Variants in PCBP2 observed in about 807,000 individuals in gnomAD.
The protein encoded by PCBP2 is poly(rC)-binding protein 2.
Under a neutral mutation model 50.1 loss-of-function variants are expected in PCBP2, and 4 were observed. That is an observed-to-expected ratio of 0.08 (90% confidence interval 0.04 to 0.18). The LOEUF (loss-of-function observed/expected upper bound fraction) is 0.18, where lower values mean the gene tolerates loss of function less well. Among genes scored for constraint, PCBP2 ranks in the 10% least tolerant of loss-of-function variants. PCBP2 has a pLI of 1.00. For synonymous variants in PCBP2, 179 were observed against 168.0 expected (o/e 1.07, Z -0.51); for missense variants, 161 against 474.3 (o/e 0.34, Z 6.14).
chr12:53,453,882 A>G (rs1258609911), intron 1 of PCBP2, among the ~76,000 whole-genome samples: 1 of 152,254 alleles, frequency 6.6e-6, no homozygotes, highest in Non-Finnish European at 1.5e-5. Context: ...TGTATAGGAA[A>G]GGTGCATTTG....
intron 5 of PCBP2, among the ~76,000 whole-genome samples, chr12:53,458,643 ATT>A (rs3049328): frequency 1.1e-4 from 13 of 123,284 alleles, no homozygotes; most frequent in Admixed American, 2.4e-4. Flanking sequence ...ATTTGACTTA[ATT>A]TTTTTTTTTT....
intron 8 of PCBP2, among the ~76,000 whole-genome samples, chr12:53,464,188 C>A (rs1343461674): frequency 1.3e-5 from 2 of 152,134 alleles, no homozygotes; most frequent in African/African-American, 4.8e-5. Context: ...TCCCACTCCC[C>A]CTTTGGAATA....
Position 53,467,853 on chromosome 12 carries a change from A to G in PCBP2, c.826+10A>G, listed in dbSNP as rs74542898. ...GTGAAAGGCTATTGGGGTAATGATTAAAAAAAAAAAAATCTGTAGTATTCT... is the reference window on the plus strand; with the variant it reads ...GTGAAAGGCTATTGGGGTAATGATTGAAAAAAAAAAAATCTGTAGTATTCT... On this transcript the variant is annotated intron_variant, in intron 12 of 14. Transcript: ENST00000546463. 2 of 380,422 alleles carry G rather than the reference A, an allele frequency of 5.3e-6. No homozygotes were observed. The highest frequency in any genetic ancestry group is 1.1e-4 in the Admixed American group (2 of 17,620). 23.6% of individuals were successfully genotyped at this position (380,422 alleles called of 1,614,324 possible). A position where few individuals can be genotyped will look rare whatever the true frequency, so the allele number is the denominator to read the frequency against.
intron 1 of PCBP2, chr12:53,452,939 G>T (rs1218683613): frequency 1.3e-5 from 2 of 152,078 alleles, no homozygotes; most frequent in African/African-American, 4.8e-5. Flanking sequence ...GGGTAGACGG[G>T]CTCCCAGTTG....
chr12:53,461,984 C>T (rs191610739), intron 7 of PCBP2, among the ~76,000 whole-genome samples: 1 of 152,072 alleles, frequency 6.6e-6, no homozygotes, highest in Non-Finnish European at 1.5e-5. Context: ...ACTGGTATTA[C>T]CAGCATGAGC....
chr12:53,469,866 C>T lies in PCBP2; in HGVS notation c.882+1034C>T, dbSNP rs148769197. On this transcript the variant is annotated intron_variant, in intron 13 of 14. Coordinates refer to ENST00000546463, the MANE Select transcript of PCBP2 (RefSeq NM_031989.5). Reference sequence around the variant, plus strand: ...AAGCAATTTTCCTGCCCCAGCCTCCCGAGTAGATGGGACTACAGGCATGTG... The same window carrying T: ...AAGCAATTTTCCTGCCCCAGCCTCCTGAGTAGATGGGACTACAGGCATGTG... 2.2e-3 allele frequency among the ~76,000 whole-genome samples: 338 copies of T among 151,380 alleles called. 1 individual carries two copies. Among genetic ancestry groups the T allele is most frequent in the African/African-American group, 7.8e-3 (323 of 41,220 alleles).
intron 12 of PCBP2, 189 bp from the exon 13 acceptor site, chr12:53,468,588 C>A: frequency 1.7e-6 from 1 of 592,134 alleles, no homozygotes; most frequent in Non-Finnish European, 3.0e-6. Context: ...TACAGAAGAA[C>A]CTTTCGAGCA....
At chr12:53,458,399 G>T (rs1293620690) in intron 5 of PCBP2, among the ~76,000 whole-genome samples, 2 of 151,756 alleles carry the variant, frequency 1.3e-5, no homozygotes, top group African/African-American at 4.8e-5. Context: ...TCTTCCTCCC[G>T]GATTCAAGCG....
chr12:53,455,611 G>A (rs1940946672), intron 4 of PCBP2, 118 bp downstream of exon 4: 42 of 1,118,128 alleles, frequency 3.8e-5, no homozygotes, highest in Non-Finnish European at 5.1e-5. Context: ...ATTTTTTTTC[G>A]GCTTGGTTAT....
intron 6 of PCBP2, chr12:53,460,402 TC>T: frequency 2.6e-6 from 1 of 388,550 alleles, no homozygotes; most frequent in Non-Finnish European, 5.2e-6. Context: ...TGCCTTGGTC[TC>T]CCAAAGTGCT....
chr12:53,466,312 T>C (rs377243309), intron 10 of PCBP2, among the ~76,000 whole-genome samples: 3 of 152,204 alleles, frequency 2.0e-5, no homozygotes, highest in African/African-American at 7.2e-5. Flanking sequence ...CTGTGCTTCC[T>C]TGCATGCAGT....
At position 53,462,493 on chromosome 12, in the gene PCBP2, T is replaced by TC. The variant is rs776329515; in HGVS notation, c.512dup (p.Lys172GlufsTer46). ...TTTTTCCCCTCTGACTCTCTCCCAG[T>TC]CCCCCCCGAAGGGCGTGACCATCCC... On this transcript the variant is annotated frameshift_variant and splice_region_variant, in exon 8 of 15. Coordinates refer to ENST00000546463, the MANE Select transcript of PCBP2 (RefSeq NM_031989.5). LOFTEE classifies it high-confidence loss of function. 5.0e-6 allele frequency: 8 copies of TC among 1,607,344 alleles called. No individual in the cohort carries two copies. The highest frequency in any genetic ancestry group is 1.1e-5 in the South Asian group (1 of 90,404).
chr12:53,465,623 T>C (rs1592661217), intron 9 of PCBP2, among the ~76,000 whole-genome samples: 2 of 152,274 alleles, frequency 1.3e-5, no homozygotes. Flanking sequence ...TGGGGCTTGG[T>C]CAGTCGAGGC....
At chr12:53,468,496 A>T (rs1941973848) in intron 12 of PCBP2, 1 of 451,952 alleles carries the variant, frequency 2.2e-6, no homozygotes, top group African/African-American at 2.0e-5. Flanking sequence ...AGGATACCAC[A>T]CTCCCTTGCC....
intron 11 of PCBP2, 169 bp downstream of exon 11, chr12:53,467,462 C>T (rs1238064831): frequency 2.9e-6 from 2 of 695,130 alleles, no homozygotes; most frequent in South Asian, 1.5e-5. Flanking sequence ...TGTTTGTTAA[C>T]GTGGTTTTCA....
chr12:53,466,037 C>T, intron 10 of PCBP2, 64 bp downstream of exon 10: 2 of 1,396,216 alleles, frequency 1.4e-6, no homozygotes, highest in Non-Finnish European at 1.0e-6. Context: ...TGTCTCACTC[C>T]TCTCTCCCAA....
intron 10 of PCBP2, 57 bp from the exon 11 acceptor site, chr12:53,467,164 C>A: frequency 7.3e-7 from 1 of 1,372,602 alleles, no homozygotes. Context: ...TTCGAATGTG[C>A]TTGAGCCCTG....
intron 5 of PCBP2, among the ~76,000 whole-genome samples, chr12:53,458,813 ATTT>A (rs1228234576): frequency 6.9e-6 from 1 of 144,582 alleles, no homozygotes; most frequent in African/African-American, 2.6e-5. Flanking sequence ...TAATTTTTGT[ATTT>A]TTAGTGGAGA....
intron 7 of PCBP2, among the ~76,000 whole-genome samples, chr12:53,462,016 T>G (rs1941485768): frequency 6.6e-6 from 1 of 152,134 alleles, no homozygotes; most frequent in African/African-American, 2.4e-5. Context: ...ACCTGGAAAC[T>G]GGAATTTTCA....
Sources: gnomAD v4.1 joint callset for allele counts (sites outside exome capture counted in the v4.1 genomes callset) on GRCh38, gnomAD v4.1.1 for gene constraint, MANE v1.5 for transcripts, NCBI Gene and HGNC (gene_info 2026-07-23, HGNC 2026-07-21) for gene names.